The following ATP2B2 variants were observed in gnomAD, a reference collection of about 807,000 sequenced individuals.
The protein encoded by ATP2B2 is plasma membrane calcium-transporting ATPase 2.
In ATP2B2, 15 loss-of-function variants were observed where a neutral mutation model predicts 120.0. The observed-to-expected ratio is 0.12, with a 90% CI of 0.08 to 0.19. ATP2B2 has a LOEUF of 0.19. Among genes scored for constraint, ATP2B2 ranks in the 10% least tolerant of loss-of-function variants. The pLI, the probability that ATP2B2 is intolerant of heterozygous loss-of-function variation, is 1.00. For synonymous variants in ATP2B2, 694 were observed against 700.3 expected (o/e 0.99, Z 0.14); for missense variants, 1,045 against 1,719.8 (o/e 0.61, Z 6.94).
At chr3:10,519,383 C>T (rs771973401) in intron 3 of ATP2B2, among the ~76,000 whole-genome samples, 1 of 152,156 alleles carries the variant, frequency 6.6e-6, no homozygotes, top group Non-Finnish European at 1.5e-5. Context: ...TTTCAAGGGG[C>T]TATTGAGGAC....
intron 1 of ATP2B2, among the ~76,000 whole-genome samples, chr3:10,451,677 A>C (rs1463983037): frequency 6.6e-6 from 1 of 152,176 alleles, no homozygotes; most frequent in Non-Finnish European, 1.5e-5. Flanking sequence ...GTGATACCTC[A>C]AGAAGAGGCA....
intron 1 of ATP2B2, among the ~76,000 whole-genome samples, chr3:10,640,950 C>T (rs571828568): frequency 2.6e-5 from 4 of 152,160 alleles, no homozygotes; most frequent in Non-Finnish European, 5.9e-5. Flanking sequence ...TCCTCAGAGC[C>T]CCTTCAACAT....
chr3:10,520,651 G>C (rs2066966263), intron 3 of ATP2B2, among the ~76,000 whole-genome samples: 1 of 151,828 alleles, frequency 6.6e-6, no homozygotes, highest in Non-Finnish European at 1.5e-5. Flanking sequence ...TGTATTTTTA[G>C]CTGGGGTTTC....
At chr3:10,423,433 C>T (rs1159656070) in intron 2 of ATP2B2, among the ~76,000 whole-genome samples, 1 of 152,214 alleles carries the variant, frequency 6.6e-6, no homozygotes, top group Admixed American at 6.5e-5. Context: ...ACCCCACAGA[C>T]ACGAGGGAAG....
rs199701793 is a variant in ATP2B2 at position 10,375,448 on chromosome 3, C to T, written c.1398G>A (p.Ser466=). ...PEGLPLAVTI[S]LAYSVKKMMK... Reference sequence around the variant, plus strand: ...CTCTCACCTTCACCGAATAGGCCAACGAGATGGTGACGGCCAGAGGGAGCC... The same window carrying T: ...CTCTCACCTTCACCGAATAGGCCAATGAGATGGTGACGGCCAGAGGGAGCC... The change falls in exon 11 of 23, where the codon TCG becomes TCA. Residue 466 remains serine (S), a synonymous_variant. Coordinates refer to ENST00000360273, the MANE Select transcript of ATP2B2 (RefSeq NM_001001331.4). This position sits in a 1 kb window ranked among gnomAD's most constrained non-coding sequence, Gnocchi z 4.2. 29 of 1,612,640 alleles carry T rather than the reference C, an allele frequency of 1.8e-5. No individual in the cohort carries two copies. Among genetic ancestry groups the T allele is most frequent in the South Asian group, 9.9e-5 (9 of 91,040 alleles).
At chr3:10,380,073 A>C (rs190516163) in intron 8 of ATP2B2, among the ~76,000 whole-genome samples, 1 of 152,300 alleles carries the variant, frequency 6.6e-6, no homozygotes, top group East Asian at 1.9e-4. Flanking sequence ...TGGTAGGGGT[A>C]TGGCTCAGGC....
intron 1 of ATP2B2, among the ~76,000 whole-genome samples, chr3:10,636,330 G>A (rs1009514071): frequency 2.6e-5 from 4 of 152,134 alleles, no homozygotes; most frequent in African/African-American, 9.7e-5. Flanking sequence ...CTCCTCTTGG[G>A]ACTTGTCTTG....
chr3:10,596,651 C>T (rs1298416431), intron 2 of ATP2B2, among the ~76,000 whole-genome samples: 1 of 152,242 alleles, frequency 6.6e-6, no homozygotes, highest in Non-Finnish European at 1.5e-5. Flanking sequence ...AAGTCCCAGA[C>T]AGGATTGTGA....
chr3:10,588,918 C>T (rs916453692), intron 2 of ATP2B2, among the ~76,000 whole-genome samples: 1 of 152,208 alleles, frequency 6.6e-6, no homozygotes, highest in African/African-American at 2.4e-5. Flanking sequence ...TTGTCTGCGG[C>T]TGGCAGTGCT....
intron 2 of ATP2B2, among the ~76,000 whole-genome samples, chr3:10,617,640 C>A (rs1170559662): frequency 6.6e-6 from 1 of 152,180 alleles, no homozygotes; most frequent in African/African-American, 2.4e-5. Flanking sequence ...TTCAGTTTTG[C>A]CTGTCTCCAA....
At chr3:10,344,397 C>T (rs1559536850) in intron 18 of ATP2B2, among the ~76,000 whole-genome samples, 1 of 152,222 alleles carries the variant, frequency 6.6e-6, no homozygotes, top group Non-Finnish European at 1.5e-5. Context: ...CAGCCACCCT[C>T]CCAAGGCTCC....
At chr3:10,637,056 G>A (rs1001589143) in intron 1 of ATP2B2, among the ~76,000 whole-genome samples, 1 of 152,178 alleles carries the variant, frequency 6.6e-6, no homozygotes, top group African/African-American at 2.4e-5. Context: ...ACGTTGAGTT[G>A]AGTATTCAGA....
chr3:10,415,822 A>T (rs898028652), intron 2 of ATP2B2, among the ~76,000 whole-genome samples: 2 of 152,246 alleles, frequency 1.3e-5, no homozygotes, highest in Non-Finnish European at 1.5e-5. Context: ...TCAGAAACAC[A>T]AATGTCCAGA....
In ATP2B2 at chr3:10,350,149, A is replaced by C; in HGVS notation, c.2367T>G (p.Ala789=). 1 of 1,608,404 alleles carries C rather than the reference A, an allele frequency of 6.2e-7. No individual in the cohort carries two copies. Among genetic ancestry groups the C allele is most frequent in the Non-Finnish European group, 8.5e-7 (1 of 1,177,884 alleles). Residue 789 remains alanine, a synonymous_variant, in exon 16 of 23, where the codon GCT becomes GCG. Coordinates refer to ENST00000360273, the MANE Select transcript of ATP2B2 (RefSeq NM_001001331.4). The part of the protein sequence containing the change: ...DKIWPKLRVL[A]RSSPTDKHTL... Reference sequence around the variant, plus strand: ...TATGCTTGTCCGTTGGGGAGGAGCGAGCCAGCACCCGCAGCTTTGGCCAGA... The same window carrying C: ...TATGCTTGTCCGTTGGGGAGGAGCGCGCCAGCACCCGCAGCTTTGGCCAGA...
chr3:10,336,075 C>T (rs1158850583), intron 22 of ATP2B2: 18 of 1,533,158 alleles, frequency 1.2e-5, no homozygotes, highest in Admixed American at 2.0e-5. Context: ...CCCCTGCCCG[C>T]CTGGGAGCTG....
intron 2 of ATP2B2, among the ~76,000 whole-genome samples, chr3:10,607,530 C>G (rs6786842): frequency 0.012 from 1,898 of 152,314 alleles, 32 homozygotes; most frequent in African/African-American, 0.039. Flanking sequence ...CACCTGGCAC[C>G]CTGGCCAGGA....
intron 3 of ATP2B2, among the ~76,000 whole-genome samples, chr3:10,530,447 G>A (rs547363583): frequency 1.3e-5 from 2 of 152,308 alleles, no homozygotes; most frequent in East Asian, 3.9e-4. Flanking sequence ...ACCGCACCAC[G>A]CTTCCTCCCC....
chr3:10,668,570 A>G (rs184251590), intron 1 of ATP2B2, among the ~76,000 whole-genome samples: 43 of 152,274 alleles, frequency 2.8e-4, no homozygotes, highest in African/African-American at 9.1e-4. Context: ...TTTCCCAGAT[A>G]TCCTAAGGGC....
chr3:10,541,061 T>C (rs745799576), intron 2 of ATP2B2, among the ~76,000 whole-genome samples: 7 of 152,176 alleles, frequency 4.6e-5, no homozygotes, highest in Non-Finnish European at 7.3e-5. Context: ...GAGTTGTTCA[T>C]AGTATTCCTT....
Sources: gnomAD v4.1 joint callset for allele counts (sites outside exome capture counted in the v4.1 genomes callset) on GRCh38, gnomAD v4.1.1 for gene constraint, Gnocchi (gnomAD v3.1) non-coding constraint, MANE v1.5 for transcripts, NCBI Gene and HGNC (gene_info 2026-07-23, HGNC 2026-07-21) for gene names.